SEC24A: variants seen among roughly 807,000 people sequenced by gnomAD.
SEC24A encodes the protein protein transport protein Sec24A.
In SEC24A, 93 loss-of-function variants were observed where a neutral mutation model predicts 129.4. That is an observed-to-expected ratio of 0.72 (90% confidence interval 0.61 to 0.85). SEC24A has a LOEUF of 0.85. Ranked by LOEUF, SEC24A falls within the 40% of genes least tolerant of loss-of-function variation. The pLI, the probability that SEC24A is intolerant of heterozygous loss-of-function variation, is 0.00. For synonymous variants in SEC24A, 460 were observed against 467.3 expected (o/e 0.98, Z 0.20); for missense variants, 1,264 against 1,307.4 (o/e 0.97, Z 0.51).
At chr5:134,669,473 A>T (rs893276458) in intron 3 of SEC24A, among the ~76,000 whole-genome samples, 3 of 149,134 alleles carry the variant, frequency 2.0e-5, no homozygotes, top group Admixed American at 6.7e-5. Context: ...GCAGAAAAAA[A>T]TTTTTATTTA....
intron 7 of SEC24A, among the ~76,000 whole-genome samples, chr5:134,676,426 C>G (rs2150083814): frequency 7.1e-6 from 1 of 140,800 alleles, no homozygotes; most frequent in South Asian, 2.2e-4. Flanking sequence ...GCGTGAGCCT[C>G]TGCGCCCGGC....
At chr5:134,677,609 G>A (rs1337477044) in intron 7 of SEC24A, among the ~76,000 whole-genome samples, 1 of 151,236 alleles carries the variant, frequency 6.6e-6, no homozygotes, top group African/African-American at 2.4e-5. Context: ...AGGCTGAGGC[G>A]GGCAGATCAC....
intron 11 of SEC24A, among the ~76,000 whole-genome samples, chr5:134,692,154 G>A (rs1381044023): frequency 6.6e-6 from 1 of 150,554 alleles, no homozygotes; most frequent in African/African-American, 2.4e-5. Context: ...CAGCCTCCCG[G>A]GCTCAAGGAA....
chr5:134,661,707 T>G (rs2150072477), intron 2 of SEC24A, 121 bp downstream of exon 2: 1 of 859,316 alleles, frequency 1.2e-6, no homozygotes, highest in Non-Finnish European at 1.7e-6. Context: ...AAATTATTAG[T>G]AGTTTTTTGT....
chr5:134,690,788 C>A (rs1030890069), intron 11 of SEC24A, among the ~76,000 whole-genome samples: 1 of 152,122 alleles, frequency 6.6e-6, no homozygotes, highest in Non-Finnish European at 1.5e-5. Flanking sequence ...AGGTAGCATA[C>A]CTTCTGATTC....
At chr5:134,707,013 A>T (rs527410592) in intron 17 of SEC24A, among the ~76,000 whole-genome samples, 72 of 151,880 alleles carry the variant, frequency 4.7e-4, no homozygotes, top group African/African-American at 9.2e-4. Context: ...TTTAAAAAAA[A>T]TTTTTTTAGA....
intron 21 of SEC24A, among the ~76,000 whole-genome samples, chr5:134,721,360 C>A (rs766561909): frequency 7.9e-5 from 12 of 151,676 alleles, no homozygotes; most frequent in Admixed American, 5.3e-4. Context: ...GTCAAGAGAT[C>A]GAGACCATCC....
At chr5:134,699,617 A>G (rs984354126) in intron 15 of SEC24A, among the ~76,000 whole-genome samples, 2 of 150,086 alleles carry the variant, frequency 1.3e-5, no homozygotes, top group South Asian at 2.1e-4. Flanking sequence ...CCATTTTTTA[A>G]TTGTACAGTG....
chr5:134,710,775 C>A (rs1390862412), intron 18 of SEC24A, among the ~76,000 whole-genome samples: 2 of 152,148 alleles, frequency 1.3e-5, no homozygotes, highest in African/African-American at 2.4e-5. Context: ...CTTATTTATC[C>A]AGTGTCCAAA....
In SEC24A at chr5:134,661,247, T is replaced by G. The variant is rs777775562; in HGVS notation, c.226T>G (p.Tyr76Asp). The G allele has an allele frequency of 2.5e-6, 4 of 1,614,168 alleles. No individual in the cohort carries two copies. The South Asian group carries it at 4.4e-5, about 18-fold the overall frequency. The change falls in exon 2 of 23, where the codon TAT becomes GAT. Residue 76 changes from tyrosine to aspartate, a missense_variant. Tyr to Asp is a radical substitution (Grantham distance 160, BLOSUM62 -3). Coordinates refer to ENST00000398844, the MANE Select transcript of SEC24A (RefSeq NM_021982.3). ...GAATCCAGTCTCTGGACAGTCTAAC[T>G]ATGGTGGTTCTCAGGGATCTGGGCA... ...TLNPVSGQSN[Y>D]GGSQGSGQTL...
chr5:134,667,524 G>T (rs1389942543), intron 3 of SEC24A, among the ~76,000 whole-genome samples: 1 of 151,542 alleles, frequency 6.6e-6, no homozygotes, highest in Non-Finnish European at 1.5e-5. Flanking sequence ...GGTGGCAAGC[G>T]ACTGTAGTAG....
intron 1 of SEC24A, among the ~76,000 whole-genome samples, chr5:134,653,812 A>G (rs142096846): frequency 3.2e-3 from 486 of 152,032 alleles, no homozygotes; most frequent in Non-Finnish European, 5.2e-3. Flanking sequence ...AGTGAGCTAC[A>G]ATTGCACAAC....
chr5:134,703,801 C>A lies in SEC24A; in HGVS notation c.2309C>A (p.Ser770Ter). 1 of 1,613,328 alleles carries A rather than the reference C, an allele frequency of 6.2e-7. No homozygotes were observed. The highest frequency in any genetic ancestry group is 1.1e-5 in the South Asian group (1 of 91,020). Reference sequence around the variant, plus strand: ...TTCCATGGAAACTTCTTTGTTAGGTCAACCGACTTACTGTCTTTGCCTAAC... The same window carrying A: ...TTCCATGGAAACTTCTTTGTTAGGTAAACCGACTTACTGTCTTTGCCTAAC... ...HTFHGNFFVR[S>*]TDLLSLPNVN... The change falls in exon 16 of 23, where the codon TCA becomes TAA. Residue 770 changes from serine (S) to a stop codon, truncating the protein, a stop_gained. Transcript: ENST00000398844. LOFTEE classifies it high-confidence loss of function.
intron 1 of SEC24A, among the ~76,000 whole-genome samples, chr5:134,656,083 CT>C (rs70976549): frequency 0.018 from 2,502 of 138,680 alleles, 70 homozygotes; most frequent in African/African-American, 0.061. Flanking sequence ...AGCTAAATAT[CT>C]TTTTTTTTTT....
At chr5:134,662,389 C>T (rs889746640) in intron 2 of SEC24A, among the ~76,000 whole-genome samples, 5 of 151,904 alleles carry the variant, frequency 3.3e-5, no homozygotes, top group African/African-American at 4.8e-5. Flanking sequence ...CTCCTGACCT[C>T]GTGATCCGCC....
chr5:134,675,853 A>G (rs73295480), intron 6 of SEC24A, among the ~76,000 whole-genome samples, 170 bp from the exon 7 acceptor site: 3,729 of 152,340 alleles, frequency 0.024, 65 homozygotes, highest in African/African-American at 0.056. Flanking sequence ...CTATTTCTGC[A>G]TAGGACTTAG....
At chr5:134,699,301 C>CGTTTTT (rs1429369613) in intron 15 of SEC24A, among the ~76,000 whole-genome samples, 2 of 138,372 alleles carry the variant, frequency 1.4e-5, no homozygotes, top group Admixed American at 7.3e-5. Flanking sequence ...CCATTTTATC[C>CGTTTTT]TTTTTTTTTT....
At chr5:134,706,752 A>G (rs1016492171) in intron 17 of SEC24A, among the ~76,000 whole-genome samples, 1 of 152,024 alleles carries the variant, frequency 6.6e-6, no homozygotes, top group African/African-American at 2.4e-5. Flanking sequence ...GTGCAGTGGC[A>G]CAGTCTCAGC....
At chr5:134,672,740 T>C (rs1750910754) in intron 4 of SEC24A, among the ~76,000 whole-genome samples, 1 of 152,140 alleles carries the variant, frequency 6.6e-6, no homozygotes, top group Non-Finnish European at 1.5e-5. Flanking sequence ...TAGAGTACTT[T>C]TAGGATTTTT....
Sources: allele counts gnomAD v4.1 joint callset (sites outside exome capture counted in the v4.1 genomes callset), GRCh38; gene constraint gnomAD v4.1.1; transcripts MANE v1.5; gene names NCBI Gene and HGNC (gene_info 2026-07-23, HGNC 2026-07-21).